The following PPM1D variants were observed in gnomAD, a reference collection of about 807,000 sequenced individuals.
PPM1D encodes the protein protein phosphatase, Mg2+/Mn2+ dependent 1D, also known as protein phosphatase 1D.
In PPM1D, 52 loss-of-function variants were observed where a neutral mutation model predicts 58.3. The ratio of observed to expected loss-of-function variants is 0.89; its 90% CI spans 0.71 to 1.12. The LOEUF is 1.12. Ranked by LOEUF, PPM1D falls within the 50% of genes most tolerant of loss-of-function variation. PPM1D has a pLI of 0.00. For missense variants in PPM1D, 564 were observed against 777.2 expected, an observed-to-expected ratio of 0.73 and a Z score of 3.26; for synonymous variants, 278 against 285.1, an observed-to-expected ratio of 0.98 and a Z score of 0.25.
At position 60,665,561 on chromosome 17, in the gene PPM1D, G is replaced by T. The variant is rs1375775785; in HGVS notation, c.*2009G>T. The T allele has an allele frequency of 6.6e-6, 1 of 152,162 alleles. No homozygotes were observed. The highest frequency in any genetic ancestry group is 1.9e-4 in the East Asian group (1 of 5,202). 9.4% of individuals were successfully genotyped at this position (152,162 alleles called of 1,614,324 possible). On this transcript the variant is annotated 3_prime_UTR_variant, in exon 6 of 6. Coordinates refer to ENST00000305921, the MANE Select transcript of PPM1D (RefSeq NM_003620.4). Reference sequence around the variant, plus strand: ...ACATTCTGGTTATTTTCAATATTTTGCAGAAGATAATTCTTGATCGGTGTG... The same window carrying T: ...ACATTCTGGTTATTTTCAATATTTTTCAGAAGATAATTCTTGATCGGTGTG...
intron 3 of PPM1D, among the ~76,000 whole-genome samples, chr17:60,638,515 C>T (rs999980132): frequency 1.3e-5 from 2 of 151,948 alleles, no homozygotes; most frequent in African/African-American, 2.4e-5. Flanking sequence ...ATTACAGGTG[C>T]GTGCCACCAC....
chr17:60,664,471 G>A lies in PPM1D; in HGVS notation c.*919G>A, dbSNP rs925913229. ...TATTCATCTAATAAATCAGTGAACTGTTCCTCATGTTGCTGAATTTGTAGT... is the reference window on the plus strand; with the variant it reads ...TATTCATCTAATAAATCAGTGAACTATTCCTCATGTTGCTGAATTTGTAGT... On this transcript the variant is annotated 3_prime_UTR_variant, in exon 6 of 6. Transcript: ENST00000305921. 1 of 152,558 alleles carries A rather than the reference G, an allele frequency of 6.6e-6. No homozygotes were observed. The highest frequency in any genetic ancestry group is 2.4e-5 in the African/African-American group (1 of 41,428). 9.5% of individuals were successfully genotyped at this position (152,558 alleles called of 1,614,324 possible). A position where few individuals can be genotyped will look rare whatever the true frequency, so the allele number is the denominator to read the frequency against.
At chr17:60,630,483 C>T (rs2030898388) in intron 2 of PPM1D, among the ~76,000 whole-genome samples, 1 of 152,184 alleles carries the variant, frequency 6.6e-6, no homozygotes, top group Admixed American at 6.6e-5. Context: ...TTGCTTCCCT[C>T]TGTCCCGGCC....
At chr17:60,651,082 A>C (rs1275250606) in intron 4 of PPM1D, among the ~76,000 whole-genome samples, 1 of 152,194 alleles carries the variant, frequency 6.6e-6, no homozygotes, top group Non-Finnish European at 1.5e-5. Flanking sequence ...ACACAATATT[A>C]GGGGGACTCA....
chr17:60,624,724 T>G (rs1012191998), intron 2 of PPM1D, among the ~76,000 whole-genome samples: 1 of 152,118 alleles, frequency 6.6e-6, no homozygotes, highest in Non-Finnish European at 1.5e-5. Context: ...AGGCAGAGGT[T>G]GTGGTGAGCT....
rs1201311438 is a variant in PPM1D at position 60,600,838 on chromosome 17, A to C, written c.424A>C (p.Ile142Leu). The C allele has an allele frequency of 4.3e-6, 7 of 1,612,976 alleles. No individual in the cohort carries two copies. Among genetic ancestry groups the C allele is most frequent in the Non-Finnish European group, 5.1e-6 (6 of 1,180,032 alleles). The stretch of plus-strand genomic sequence containing the variant: ...CGAGCCGGCTAAGGTTTGCGCTGCC[A>C]TCCGCAAAGGCTTTCTCGCTTGTCA... The part of the protein sequence containing the change: ...SSEPAKVCAA[I>L]RKGFLACHLA... The change falls in exon 1 of 6, where the codon ATC becomes CTC. Residue 142 changes from isoleucine to leucine, a missense_variant. Ile to Leu is a conservative substitution (Grantham distance 5). Around this residue, in one of 7 missense-constraint regions of PPM1D, gnomAD observed 95 missense variants for 232.6 expected, o/e 0.41. Coordinates refer to ENST00000305921, the MANE Select transcript of PPM1D (RefSeq NM_003620.4).
intron 4 of PPM1D, among the ~76,000 whole-genome samples, chr17:60,655,569 G>A (rs935187097): frequency 1.3e-5 from 2 of 152,152 alleles, no homozygotes; most frequent in Non-Finnish European, 2.9e-5. Flanking sequence ...GGCTGGCCTT[G>A]AATTCCTGAC....
intron 3 of PPM1D, among the ~76,000 whole-genome samples, chr17:60,646,835 T>C (rs2031258534): frequency 6.6e-6 from 1 of 152,234 alleles, no homozygotes; most frequent in Non-Finnish European, 1.5e-5. Flanking sequence ...GCTTTCTTTT[T>C]CCGGCTCAGT....
rs143487178 is a variant in PPM1D at position 60,652,011 on chromosome 17, A to C, written c.1017+3929A>C. Among the ~76,000 whole-genome samples the C allele has an allele frequency of 0.011, 1,652 of 152,342 alleles. 27 individuals are homozygous for C. The highest frequency in any genetic ancestry group is 0.038 in the African/African-American group (1,575 of 41,578). ...TGGACATAACTACACTTAAAAATAG[A>C]GATTTTTAAAACACACTTTAAAAAA... On this transcript the variant is annotated intron_variant, in intron 4 of 5. Transcript: ENST00000305921.
In PPM1D at chr17:60,633,991, A is replaced by T. The variant is rs1279469654; in HGVS notation, c.826+14A>T. ...CAAGAGCACTTGGTAAGTAGGACTT[A>T]ATTTGGTGAAATTATATTGAATTTT... On this transcript the variant is annotated intron_variant, in intron 3 of 5. Transcript: ENST00000305921. 6.2e-7 allele frequency: 1 copy of T among 1,609,544 alleles called. No homozygotes were observed. Among genetic ancestry groups the T allele is most frequent in the Non-Finnish European group, 8.5e-7 (1 of 1,178,166 alleles).
chr17:60,613,975 C>G (rs1329538362), intron 1 of PPM1D, among the ~76,000 whole-genome samples: 1 of 32,484 alleles, frequency 3.1e-5, no homozygotes. Flanking sequence ...CCGGTCCCGT[C>G]GACTGCCCAA....
chr17:60,641,225 G>A (rs1481623160), intron 3 of PPM1D, among the ~76,000 whole-genome samples: 1 of 152,152 alleles, frequency 6.6e-6, no homozygotes, highest in African/African-American at 2.4e-5. Context: ...CAGTGTATAA[G>A]CATTCCCTTT....
chr17:60,600,664 G>T lies in PPM1D; in HGVS notation c.250G>T (p.Ala84Ser). Residue 84 changes from alanine to serine, a missense_variant, in exon 1 of 6, where the codon GCC (alanine) becomes TCC (serine). Physicochemically the swap from Ala to Ser is moderately conservative, Grantham distance 99. Coordinates refer to ENST00000305921, the MANE Select transcript of PPM1D (RefSeq NM_003620.4). ...EARDPLPDAGASPAPSRCCRR... is the reference protein window; with the variant it reads ...EARDPLPDAGSSPAPSRCCRR... The stretch of plus-strand genomic sequence containing the variant: ...TCGCGACCCTCTCCCGGACGCCGGG[G>T]CCTCGCCGGCACCTAGCCGCTGCTG... 1 of 1,553,634 alleles carries T rather than the reference G, an allele frequency of 6.4e-7. No homozygotes were observed. Among genetic ancestry groups the T allele is most frequent in the Non-Finnish European group, 8.7e-7 (1 of 1,153,294 alleles).
chr17:60,637,577 T>C (rs576011609), intron 3 of PPM1D, among the ~76,000 whole-genome samples: 2 of 152,330 alleles, frequency 1.3e-5, no homozygotes, highest in East Asian at 1.9e-4. Flanking sequence ...CTTCCCATTA[T>C]AAGAATTGAT....
chr17:60,621,555 T>C (rs1256606395), intron 1 of PPM1D, among the ~76,000 whole-genome samples: 1 of 148,474 alleles, frequency 6.7e-6, no homozygotes, highest in Non-Finnish European at 1.5e-5. Flanking sequence ...TGCCTGGCTA[T>C]TTTTTGTATT....
intron 5 of PPM1D, among the ~76,000 whole-genome samples, chr17:60,657,776 G>A (rs1478732608): frequency 6.6e-6 from 1 of 151,956 alleles, no homozygotes; most frequent in Non-Finnish European, 1.5e-5. Context: ...TTTCACTCTT[G>A]TTGCCCAGGC....
chr17:60,657,003 T>G (rs2031454634), intron 5 of PPM1D, 162 bp downstream of exon 5: 9 of 1,546,432 alleles, frequency 5.8e-6, no homozygotes, highest in Non-Finnish European at 7.8e-6. Context: ...ACATCAATAC[T>G]AATCTGAATG....
At chr17:60,636,418 A>C (rs2031022960) in intron 3 of PPM1D, among the ~76,000 whole-genome samples, 1 of 152,204 alleles carries the variant, frequency 6.6e-6, no homozygotes, top group South Asian at 2.1e-4. Context: ...GCACCCATGG[A>C]GCTTACTTTC....
chr17:60,644,322 G>C (rs1216482461), intron 3 of PPM1D, among the ~76,000 whole-genome samples: 2 of 151,972 alleles, frequency 1.3e-5, no homozygotes, highest in Non-Finnish European at 2.9e-5. Context: ...TAAAAATAAA[G>C]ATGGGGTTTC....
Sources: gnomAD v4.1 joint callset for allele counts (sites outside exome capture counted in the v4.1 genomes callset) on GRCh38, gnomAD v4.1.1 for gene constraint, gnomAD v4.1.1 regional missense constraint, MANE v1.5 for transcripts, NCBI Gene and HGNC (gene_info 2026-07-23, HGNC 2026-07-21) for gene names.